The following RELN variants were observed in gnomAD, a reference collection of about 807,000 sequenced individuals.
The protein encoded by RELN is reelin.
In RELN, 108 loss-of-function variants were observed where a neutral mutation model predicts 427.6. The ratio of observed to expected loss-of-function variants is 0.25; its 90% CI spans 0.22 to 0.30. The LOEUF is 0.30. Among genes scored for constraint, RELN ranks in the 10% least tolerant of loss-of-function variants. RELN has a pLI of 1.00. For synonymous variants in RELN, 1,524 were observed against 1,513.4 expected (o/e 1.01, Z -0.16); for missense variants, 3,715 against 4,302.8 (o/e 0.86, Z 3.82).
chr7:103,892,481 C>A (rs1794872362), intron 2 of RELN, among the ~76,000 whole-genome samples: 1 of 152,150 alleles, frequency 6.6e-6, no homozygotes, highest in Non-Finnish European at 1.5e-5. Context: ...TGATTTCATA[C>A]AATTCTTCCC....
chr7:103,637,701 T>C (rs965461742), intron 17 of RELN, among the ~76,000 whole-genome samples: 4 of 152,216 alleles, frequency 2.6e-5, no homozygotes, highest in Admixed American at 2.0e-4. Flanking sequence ...CTTTCACATG[T>C]TGTCTAATGG....
intron 11 of RELN, among the ~76,000 whole-genome samples, chr7:103,668,461 G>A (rs144353602): frequency 2.0e-3 from 301 of 152,184 alleles, no homozygotes; most frequent in African/African-American, 6.9e-3. Flanking sequence ...AAGGGTAAGT[G>A]GCTTGCCTAA....
chr7:103,975,268 C>T (rs374500939), intron 1 of RELN, among the ~76,000 whole-genome samples: 4 of 152,288 alleles, frequency 2.6e-5, no homozygotes, highest in African/African-American at 4.8e-5. Context: ...GCTATTCTTG[C>T]TCACTGATTA....
chr7:103,611,838 A>G, intron 20 of RELN, 35 bp from the exon 21 acceptor site: 1 of 1,532,054 alleles, frequency 6.5e-7, no homozygotes, highest in Non-Finnish European at 9.0e-7. Flanking sequence ...AGAAAATTCT[A>G]AACACAATGT....
chr7:103,970,359 G>T (rs955217560), intron 1 of RELN, among the ~76,000 whole-genome samples: 3 of 152,148 alleles, frequency 2.0e-5, no homozygotes, highest in African/African-American at 7.2e-5. Context: ...GGCCAGGCTG[G>T]TCTCGAACTC....
chr7:103,642,354 T>TG (rs1468081648), intron 16 of RELN, among the ~76,000 whole-genome samples: 1 of 147,666 alleles, frequency 6.8e-6, no homozygotes, highest in Non-Finnish European at 1.5e-5. Context: ...ATAGTGTTTT[T>TG]TTTTTTTTTT....
chr7:103,476,322 G>C (rs1354602305), intron 64 of RELN, among the ~76,000 whole-genome samples: 1 of 151,992 alleles, frequency 6.6e-6, no homozygotes, highest in Non-Finnish European at 1.5e-5. Context: ...AATTAGCTGG[G>C]TGTTGTGGCA....
At chr7:103,833,916 G>C (rs1325817530) in intron 2 of RELN, among the ~76,000 whole-genome samples, 1 of 148,976 alleles carries the variant, frequency 6.7e-6, no homozygotes, top group Non-Finnish European at 1.5e-5. Flanking sequence ...TGATTTTGTT[G>C]ATTGATTGAT....
intron 2 of RELN, among the ~76,000 whole-genome samples, chr7:103,865,260 T>C (rs1794171300): frequency 6.6e-6 from 1 of 151,372 alleles, no homozygotes; most frequent in Admixed American, 6.6e-5. Flanking sequence ...AGCCAGTAAT[T>C]AAAAAATTTC....
intron 6 of RELN, among the ~76,000 whole-genome samples, chr7:103,740,992 G>A (rs1284148922): frequency 2.0e-5 from 3 of 152,156 alleles, no homozygotes; most frequent in African/African-American, 7.2e-5. Flanking sequence ...GGTGGTGTGT[G>A]GCAGTGGCAT....
At chr7:103,649,256 T>C (rs1274281981) in intron 16 of RELN, among the ~76,000 whole-genome samples, 1 of 152,000 alleles carries the variant, frequency 6.6e-6, no homozygotes, top group Non-Finnish European at 1.5e-5. Context: ...TACTCAGCCA[T>C]GAAAAAGAAT....
In RELN at chr7:103,867,851, T is replaced by G. The variant is rs578239457; in HGVS notation, c.338-34179A>C. The stretch of plus-strand genomic sequence containing the variant: ...ATTTTTTTTCTGTGATAAAACAATG[T>G]GTACCAATCACAAACTGCCTAATTC... On this transcript the variant is annotated intron_variant, in intron 2 of 64. Coordinates refer to ENST00000428762, the MANE Select transcript of RELN (RefSeq NM_005045.4). 3.9e-5 allele frequency among the ~76,000 whole-genome samples: 6 copies of G among 151,932 alleles called. No individual in the cohort carries two copies. The South Asian group carries it at 1.2e-3, about 31-fold the overall frequency.
rs1554376284 is a variant in RELN at position 103,551,938 on chromosome 7, G to GTGTGT, written c.6073-643_6073-642insACACA. On this transcript the variant is annotated intron_variant, in intron 40 of 64. Transcript: ENST00000428762. ...TAGTTACCTTCTGTGTGTGTGTGTGGGTGTGTGTGTGTGTGTGTGTGGTAA... is the reference window on the plus strand; with the variant it reads ...TAGTTACCTTCTGTGTGTGTGTGTGGTGTGTGTGTGTGTGTGTGTGTGTGTGGTAA... Among the ~76,000 whole-genome samples, 1,047 of 144,824 alleles carry GTGTGT rather than the reference G, an allele frequency of 7.2e-3. 13 individuals carry two copies. The highest frequency in any genetic ancestry group is 0.024 in the African/African-American group (992 of 40,800).
intron 1 of RELN, among the ~76,000 whole-genome samples, chr7:103,983,539 A>G (rs1797035118): frequency 1.3e-5 from 2 of 152,378 alleles, no homozygotes; most frequent in Non-Finnish European, 2.9e-5. Flanking sequence ...CAATTCGAGT[A>G]TCTGAAATAG....
chr7:103,980,366 T>C (rs937450636), intron 1 of RELN, among the ~76,000 whole-genome samples: 7 of 152,136 alleles, frequency 4.6e-5, no homozygotes, highest in African/African-American at 1.7e-4. Flanking sequence ...TATGGACTTA[T>C]GGGTACGAAA....
At chr7:103,719,946 T>C (rs1790034403) in intron 8 of RELN, among the ~76,000 whole-genome samples, 1 of 152,190 alleles carries the variant, frequency 6.6e-6, no homozygotes, top group Admixed American at 6.5e-5. Flanking sequence ...GATAACATGA[T>C]AAATTTCATC....
chr7:103,472,845 G>A lies in RELN; in HGVS notation c.10350C>T (p.Asn3450=). ...ATCGCCTAAGTGACCTTCGTCTTCT[G>A]TTGTAGAAATGTCTGAGCCCATGTT... ...SRQHGLRHFY[N]RRRRSLRRYP is the part of the protein sequence containing the mutation. Residue 3450 remains asparagine (N), a synonymous_variant, in exon 65 of 65, where the codon AAC becomes AAT. Coordinates refer to ENST00000428762, the MANE Select transcript of RELN (RefSeq NM_005045.4). The A allele has an allele frequency of 6.2e-7, 1 of 1,613,930 alleles. No homozygotes were observed. Among genetic ancestry groups the A allele is most frequent in the Non-Finnish European group, 8.5e-7 (1 of 1,179,832 alleles).
chr7:103,818,133 C>T (rs893749206), intron 3 of RELN, among the ~76,000 whole-genome samples: 1 of 151,862 alleles, frequency 6.6e-6, no homozygotes, highest in Non-Finnish European at 1.5e-5. Context: ...TCAAAGTATA[C>T]AGTTAAAAAT....
chr7:103,777,665 C>T (rs1791778782), intron 3 of RELN, among the ~76,000 whole-genome samples: 1 of 152,104 alleles, frequency 6.6e-6, no homozygotes, highest in African/African-American at 2.4e-5. Context: ...TTCCTGGCTC[C>T]CAACATTCCT....
Sources: gnomAD v4.1 joint callset for allele counts (sites outside exome capture counted in the v4.1 genomes callset) on GRCh38, gnomAD v4.1.1 for gene constraint, MANE v1.5 for transcripts, NCBI Gene and HGNC (gene_info 2026-07-23, HGNC 2026-07-21) for gene names.